Variants in TSGA10 observed in about 807,000 individuals in gnomAD.
TSGA10 encodes the protein testis specific 10, also known as testis-specific gene 10 protein.
TSGA10 carries 43 observed loss-of-function variants against 96.6 expected under a neutral mutation model. The observed-to-expected ratio is 0.44, with a 90% CI of 0.35 to 0.57. The LOEUF (loss-of-function observed/expected upper bound fraction) is 0.57, where lower values mean the gene tolerates loss of function less well. Among genes scored for constraint, TSGA10 ranks in the 20% least tolerant of loss-of-function variants. TSGA10 has a pLI of 0.01. For synonymous variants in TSGA10, 229 were observed against 269.9 expected (o/e 0.85, Z 1.48); for missense variants, 703 against 834.4 (o/e 0.84, Z 1.94).
intron 1 of TSGA10, among the ~76,000 whole-genome samples, chr2:99,140,268 C>T (rs2093483408): frequency 6.6e-6 from 1 of 152,112 alleles, no homozygotes; most frequent in Non-Finnish European, 1.5e-5. Flanking sequence ...GATTCGAATG[C>T]GACATCCTAC....
chr2:99,108,995 T>C lies in TSGA10; in HGVS notation c.52-4A>G. 1 of 1,519,236 alleles carries C rather than the reference T, an allele frequency of 6.6e-7. No homozygotes were observed. The highest frequency in any genetic ancestry group is 2.4e-5 in the East Asian group (1 of 41,554). The allele number at this position is 1,519,236 out of a possible 1,614,324, so 94.1% of individuals were successfully genotyped here. ...GTTCTACATCACAGTTTGCACCCTA[T>C]AATTATATAAGGAATTTGAAATCTT... On this transcript the variant is annotated splice_polypyrimidine_tract_variant and splice_region_variant and intron_variant, in intron 6 of 20. Transcript: ENST00000393483.
intron 1 of TSGA10, among the ~76,000 whole-genome samples, chr2:99,144,474 A>ATGTGTTT (rs893548533): frequency 2.0e-5 from 3 of 150,918 alleles, no homozygotes; most frequent in Admixed American, 6.6e-5. Flanking sequence ...CCATTGCTTC[A>ATGTGTTT]TGTGTTTTGT....
chr2:99,146,719 C>G lies in TSGA10; in HGVS notation c.-621+7974G>C, dbSNP rs189940241. ...TCTCAGCTCACTGCAACCTCCACCC[C>G]CTGGGTTCAAGCGATTCTCCTGCCT... On this transcript the variant is annotated intron_variant, in intron 1 of 20. Transcript: ENST00000393483. 6.4e-3 allele frequency among the ~76,000 whole-genome samples: 969 copies of G among 152,258 alleles called. 12 individuals carry two copies. The highest frequency in any genetic ancestry group is 0.022 in the African/African-American group (932 of 41,528).
At chr2:99,135,447 A>C (rs550168710) in intron 1 of TSGA10, among the ~76,000 whole-genome samples, 20 of 152,330 alleles carry the variant, frequency 1.3e-4, no homozygotes, top group African/African-American at 4.6e-4. Context: ...ACAGAATAGA[A>C]CAGTTCCTAT....
intron 12 of TSGA10, among the ~76,000 whole-genome samples, chr2:99,075,556 T>C (rs375108605): frequency 1.4e-4 from 22 of 152,214 alleles, no homozygotes; most frequent in African/African-American, 5.3e-4. Context: ...AATCTCTATA[T>C]GAACAGTATT....
intron 12 of TSGA10, among the ~76,000 whole-genome samples, chr2:99,077,784 G>T (rs928694190): frequency 1.3e-5 from 2 of 151,664 alleles, no homozygotes; most frequent in Non-Finnish European, 2.9e-5. Context: ...GGTTGGTCTC[G>T]AACTCCTGAC....
intron 16 of TSGA10, among the ~76,000 whole-genome samples, chr2:99,053,587 T>C (rs1197271738): frequency 6.6e-6 from 1 of 152,010 alleles, no homozygotes; most frequent in East Asian, 1.9e-4. Flanking sequence ...ATAAAAAAGC[T>C]CTAAAGAAAC....
rs147301819 is a variant in TSGA10, at chr2:98,998,137, A to G, written c.*60T>C. The G allele has an allele frequency of 2.6e-5, 39 of 1,505,008 alleles. No homozygotes were observed. The Admixed American group carries it at 8.3e-4, about 32-fold the overall frequency. The allele number at this position is 1,505,008 out of a possible 1,614,324, so 93.2% of individuals were successfully genotyped here. On this transcript the variant is annotated 3_prime_UTR_variant, in exon 21 of 21. Transcript: ENST00000393483. ...AGATAAATGCACTCATGTAGCAAAAAAAAAAAAATCAGTTTGTAACTTTGA... is the reference window on the plus strand; with the variant it reads ...AGATAAATGCACTCATGTAGCAAAAGAAAAAAAATCAGTTTGTAACTTTGA...
intron 20 of TSGA10, among the ~76,000 whole-genome samples, chr2:99,013,952 A>C (rs533558031): frequency 2.0e-5 from 3 of 152,152 alleles, no homozygotes; most frequent in African/African-American, 7.2e-5. Context: ...CAGGAGTTCA[A>C]GACCAGCCTG....
chr2:99,068,953 T>C lies in TSGA10; in HGVS notation c.1153A>G (p.Ile385Val), dbSNP rs145269028. 6.8e-7 allele frequency: 1 copy of C among 1,479,770 alleles called. No individual in the cohort carries two copies. Among genetic ancestry groups the C allele is most frequent in the Admixed American group, 2.5e-5 (1 of 39,960 alleles). The allele number at this position is 1,479,770 out of a possible 1,614,324, so 91.7% of individuals were successfully genotyped here. A position where few individuals can be genotyped will look rare whatever the true frequency, so the allele number is the denominator to read the frequency against. Reference protein sequence around the residue: ...LNDTHNELNDIKQKVQDTNLE... With the variant: ...LNDTHNELNDVKQKVQDTNLE... ...TTAGTATCTTGAACCTTCTGTTTTATGTCATTAAGTTCATTATGAGTGTCA... is the reference window on the plus strand; with the variant it reads ...TTAGTATCTTGAACCTTCTGTTTTACGTCATTAAGTTCATTATGAGTGTCA... Residue 385 changes from isoleucine to valine, a missense_variant, in exon 15 of 21, where the codon ATA (isoleucine) becomes GTA (valine). Transcript: ENST00000393483.
At chr2:99,145,109 G>A (rs1292432888) in intron 1 of TSGA10, among the ~76,000 whole-genome samples, 1 of 152,162 alleles carries the variant, frequency 6.6e-6, no homozygotes, top group Non-Finnish European at 1.5e-5. Flanking sequence ...GGAGGCTCTA[G>A]GGGAAAATCC....
rs2087135405 is a variant in TSGA10 at position 99,079,316 on chromosome 2, C to T, written c.728-503G>A. ...TTTCTAAAGTAGTGTTATAAAAATT[C>T]CTAGGAAAAAAAATCATCCCAGGAA... On this transcript the variant is annotated intron_variant, in intron 11 of 20. Coordinates refer to ENST00000393483, the MANE Select transcript of TSGA10 (RefSeq NM_025244.4). Among the ~76,000 whole-genome samples the T allele has an allele frequency of 3.9e-5, 6 of 152,104 alleles. No homozygotes were observed. The South Asian group carries it at 1.2e-3, about 32-fold the overall frequency.
intron 17 of TSGA10, among the ~76,000 whole-genome samples, chr2:99,025,042 T>C (rs1303701363): frequency 2.0e-5 from 3 of 152,204 alleles, no homozygotes; most frequent in Non-Finnish European, 4.4e-5. Context: ...TGTTATAGTA[T>C]TTTCTCGAGA....
chr2:99,017,760 G>A (rs2079645803), intron 20 of TSGA10, among the ~76,000 whole-genome samples: 3 of 142,346 alleles, frequency 2.1e-5, no homozygotes, highest in Non-Finnish European at 4.6e-5. Flanking sequence ...GAGAGACTCC[G>A]TCTCAAAAAA....
At chr2:99,033,060 T>C (rs1170742463) in intron 17 of TSGA10, among the ~76,000 whole-genome samples, 2 of 152,222 alleles carry the variant, frequency 1.3e-5, no homozygotes, top group Non-Finnish European at 2.9e-5. Context: ...TCATTTTGTG[T>C]CAGTATATGA....
At chr2:99,136,909 G>C (rs2093351145) in intron 1 of TSGA10, among the ~76,000 whole-genome samples, 1 of 147,126 alleles carries the variant, frequency 6.8e-6, no homozygotes, top group South Asian at 2.1e-4. Flanking sequence ...AAAGAACTAT[G>C]AACATATCCC....
At chr2:99,116,703 A>T (rs1239875628) in intron 4 of TSGA10, among the ~76,000 whole-genome samples, 1 of 152,096 alleles carries the variant, frequency 6.6e-6, no homozygotes, top group Non-Finnish European at 1.5e-5. Context: ...AAAAAAAAAG[A>T]TTGGCAAATT....
At chr2:98,998,838 G>A (rs1351627176) in intron 20 of TSGA10, among the ~76,000 whole-genome samples, 1 of 152,004 alleles carries the variant, frequency 6.6e-6, no homozygotes, top group Non-Finnish European at 1.5e-5. Flanking sequence ...AGGATATGTG[G>A]GACTGTCTGT....
intron 17 of TSGA10, among the ~76,000 whole-genome samples, chr2:99,027,503 T>C (rs1278775987): frequency 2.0e-5 from 3 of 152,220 alleles, no homozygotes; most frequent in Non-Finnish European, 2.9e-5. Flanking sequence ...AATAATCTAC[T>C]GTATAATTCA....
Sources: allele counts gnomAD v4.1 joint callset (sites outside exome capture counted in the v4.1 genomes callset), GRCh38; gene constraint gnomAD v4.1.1; transcripts MANE v1.5; gene names NCBI Gene and HGNC (gene_info 2026-07-23, HGNC 2026-07-21).